Variants in S100PBP observed in about 807,000 individuals in gnomAD.
S100PBP encodes S100P-binding protein.
Under a neutral mutation model 39.9 loss-of-function variants are expected in S100PBP, and 15 were observed. The observed-to-expected ratio is 0.38, with a 90% CI of 0.25 to 0.58. The LOEUF is 0.58. S100PBP is among the 20% of genes least tolerant of loss of function. S100PBP has a pLI of 0.70. For synonymous variants in S100PBP, 178 were observed against 180.3 expected, an observed-to-expected ratio of 0.99 and a Z score of 0.10; for missense variants, 504 against 487.3, an observed-to-expected ratio of 1.03 and a Z score of -0.32.
At chr1:32,816,702 G>C (rs561409430), upstream of S100PBP, 100 of 157,558 alleles carry the variant, frequency 6.3e-4, no homozygotes, top group African/African-American at 2.3e-3. Context: ...TGTGGAGTGA[G>C]GGGGGGGGAT....
At chr1:32,853,443 C>G (rs1640699527) in intron 6 of S100PBP, among the ~76,000 whole-genome samples, 1 of 149,852 alleles carries the variant, frequency 6.7e-6, no homozygotes, top group Non-Finnish European at 1.5e-5. Flanking sequence ...TGTACTCAAG[C>G]CTGGGCGGCA....
At chr1:32,849,635 T>A (rs561752618) in intron 5 of S100PBP, among the ~76,000 whole-genome samples, 6 of 152,348 alleles carry the variant, frequency 3.9e-5, no homozygotes, top group Non-Finnish European at 5.9e-5. Context: ...TTATTAGTGC[T>A]AAGGAAAATT....
intron 3 of S100PBP, 122 bp downstream of exon 3, chr1:32,827,052 A>G: frequency 4.6e-6 from 3 of 653,848 alleles, no homozygotes; most frequent in Non-Finnish European, 5.2e-6. Context: ...TGGGCATCCT[A>G]CACCACAGTG....
intron 4 of S100PBP, among the ~76,000 whole-genome samples, chr1:32,829,402 C>G (rs993985017): frequency 6.6e-6 from 1 of 152,190 alleles, no homozygotes; most frequent in African/African-American, 2.4e-5. Flanking sequence ...TAGTAATCTT[C>G]ACCTTTCTAT....
intron 5 of S100PBP, chr1:32,835,426 A>G (rs1639774240): frequency 6.6e-6 from 1 of 152,126 alleles, no homozygotes; most frequent in South Asian, 2.1e-4. Flanking sequence ...TACATCTAAC[A>G]TAAAATTACC....
chr1:32,841,597 C>T (rs899410207), intron 5 of S100PBP, among the ~76,000 whole-genome samples: 8 of 151,608 alleles, frequency 5.3e-5, no homozygotes, highest in African/African-American at 1.5e-4. Flanking sequence ...GGCGTAGTGG[C>T]GCATGCCTGT....
chr1:32,848,680 T>C (rs1395478508), intron 5 of S100PBP, among the ~76,000 whole-genome samples: 1 of 152,196 alleles, frequency 6.6e-6, no homozygotes, highest in Non-Finnish European at 1.5e-5. Flanking sequence ...GCATAGCAGG[T>C]ACTCAGCATT....
In S100PBP at chr1:32,826,675, A is replaced by G. The variant is rs1183306042; in HGVS notation, c.576A>G (p.Lys192=). Residue 192 remains lysine, a synonymous_variant, in exon 3 of 7, where the codon AAA becomes AAG. Coordinates refer to ENST00000373475, the MANE Select transcript of S100PBP (RefSeq NM_022753.4). ...REDGLSPNES[K]LCTESEGISP... Reference sequence around the variant, plus strand: ...ATGGTCTTAGCCCAAATGAAAGCAAACTTTGTACTGAATCTGAAGGGATCA... The same window carrying G: ...ATGGTCTTAGCCCAAATGAAAGCAAGCTTTGTACTGAATCTGAAGGGATCA... 1.2e-6 allele frequency: 2 copies of G among 1,614,172 alleles called. No individual in the cohort carries two copies. The highest frequency in any genetic ancestry group is 1.7e-6 in the Non-Finnish European group (2 of 1,180,026).
rs976955737 is a variant in S100PBP, at chr1:32,828,082, G to A, written c.920+1G>A. The A allele has an allele frequency of 1.3e-6, 2 of 1,547,044 alleles. No individual in the cohort carries two copies. The highest frequency in any genetic ancestry group is 2.3e-5 in the East Asian group (1 of 44,304). The stretch of plus-strand genomic sequence containing the variant: ...TTCCTGTTCTACAAACTAAGACCAG[G>A]TAATGTAAAGTATAATTAAATATTC... On this transcript the variant is annotated splice_donor_variant, in intron 4 of 6. Coordinates refer to ENST00000373475, the MANE Select transcript of S100PBP (RefSeq NM_022753.4). LOFTEE classifies it high-confidence loss of function.
At chr1:32,848,316 TA>T (rs1640468578) in intron 5 of S100PBP, among the ~76,000 whole-genome samples, 1 of 151,678 alleles carries the variant, frequency 6.6e-6, no homozygotes, top group Non-Finnish European at 1.5e-5. Flanking sequence ...CAAAAAAAAA[TA>T]AAGAAAAAAG....
chr1:32,828,581 A>T (rs893510120), intron 4 of S100PBP, among the ~76,000 whole-genome samples: 1 of 152,178 alleles, frequency 6.6e-6, no homozygotes, highest in African/African-American at 2.4e-5. Flanking sequence ...GTATCTTTAC[A>T]TGGTCCTTTT....
chr1:32,848,720 T>C (rs184532322), intron 5 of S100PBP, among the ~76,000 whole-genome samples: 1 of 152,308 alleles, frequency 6.6e-6, no homozygotes, highest in Admixed American at 6.5e-5. Flanking sequence ...GATATAAAAA[T>C]TGATTCACTT....
At chr1:32,854,108 A>C (rs1251428020) in intron 6 of S100PBP, among the ~76,000 whole-genome samples, 4 of 152,180 alleles carry the variant, frequency 2.6e-5, no homozygotes, top group Non-Finnish European at 4.4e-5. Context: ...GATACTCAAA[A>C]ACCTTGGAAT....
intron 1 of S100PBP, among the ~76,000 whole-genome samples, chr1:32,820,806 C>T (rs969455330): frequency 2.0e-5 from 3 of 151,954 alleles, no homozygotes; most frequent in African/African-American, 4.8e-5. Flanking sequence ...AGTTCAATAC[C>T]AGCCTGGGCA....
intron 5 of S100PBP, among the ~76,000 whole-genome samples, chr1:32,830,743 C>T (rs566322338): frequency 6.6e-5 from 10 of 152,246 alleles, no homozygotes; most frequent in African/African-American, 2.2e-4. Flanking sequence ...AAAAGAATCA[C>T]TTATTAAAAA....
chr1:32,823,832 T>C (rs1194082174), intron 1 of S100PBP, among the ~76,000 whole-genome samples: 3 of 152,210 alleles, frequency 2.0e-5, no homozygotes, highest in Non-Finnish European at 4.4e-5. Context: ...CCTTGATTTG[T>C]TGGAAATCAT....
chr1:32,855,122 C>T (rs994964121), intron 6 of S100PBP, among the ~76,000 whole-genome samples: 1 of 152,104 alleles, frequency 6.6e-6, no homozygotes, highest in Non-Finnish European at 1.5e-5. Context: ...TCAACCCTGG[C>T]GACTACTCAT....
intron 6 of S100PBP, 78 bp from the exon 7 acceptor site, chr1:32,855,846 G>A (rs1176760758): frequency 4.0e-6 from 3 of 756,100 alleles, no homozygotes; most frequent in South Asian, 2.0e-5. Flanking sequence ...TAAAATTGTT[G>A]TGCTGGCCTT....
At chr1:32,821,145 G>A (rs750339930) in intron 1 of S100PBP, among the ~76,000 whole-genome samples, 1 of 151,480 alleles carries the variant, frequency 6.6e-6, no homozygotes, top group Non-Finnish European at 1.5e-5. Flanking sequence ...GTTTTCTTAA[G>A]AAATAAAACA....
Sources: gnomAD v4.1 joint callset for allele counts (sites outside exome capture counted in the v4.1 genomes callset) on GRCh38, gnomAD v4.1.1 for gene constraint, MANE v1.5 for transcripts, NCBI Gene and HGNC (gene_info 2026-07-23, HGNC 2026-07-21) for gene names.